ADGB: variants seen among roughly 807,000 people sequenced by gnomAD.
ADGB encodes the protein calpain-7-like protein.
A neutral mutation model predicts 210.5 loss-of-function variants in ADGB; 172 were observed. The ratio of observed to expected loss-of-function variants is 0.82; its 90% CI spans 0.72 to 0.93. The LOEUF (loss-of-function observed/expected upper bound fraction) is 0.93, where lower values mean the gene tolerates loss of function less well. ADGB is among the 40% of genes least tolerant of loss of function. The pLI, the probability that ADGB is intolerant of heterozygous loss-of-function variation, is 0.00. For synonymous variants in ADGB, 658 were observed against 662.7 expected, an observed-to-expected ratio of 0.99 and a Z score of 0.11; for missense variants, 2,025 against 1,964.8, an observed-to-expected ratio of 1.03 and a Z score of -0.58.
intron 6 of ADGB, among the ~76,000 whole-genome samples, chr6:146,665,070 A>G (rs1322202024): frequency 6.6e-6 from 1 of 152,052 alleles, no homozygotes; most frequent in Admixed American, 6.6e-5. Context: ...GCTCACATAC[A>G]TTGCACAGGC....
intron 1 of ADGB, among the ~76,000 whole-genome samples, chr6:146,617,985 T>G (rs1780828900): frequency 6.6e-6 from 1 of 152,220 alleles, no homozygotes; most frequent in African/African-American, 2.4e-5. Context: ...ACATAAAAGC[T>G]TGATTAACAC....
At chr6:146,651,708 G>A (rs767935948) in intron 3 of ADGB, among the ~76,000 whole-genome samples, 1 of 152,014 alleles carries the variant, frequency 6.6e-6, no homozygotes, top group South Asian at 2.1e-4. Flanking sequence ...TCTGCAGCTG[G>A]GTCTCTATGC....
chr6:146,653,942 C>G (rs1420148721), intron 3 of ADGB, among the ~76,000 whole-genome samples, 193 bp from the exon 4 acceptor site: 3 of 152,042 alleles, frequency 2.0e-5, no homozygotes, highest in Admixed American at 1.3e-4. Flanking sequence ...CAATTTATGC[C>G]TAGTGTTCCA....
intron 20 of ADGB, among the ~76,000 whole-genome samples, chr6:146,729,128 G>A (rs1776942011): frequency 6.6e-6 from 1 of 152,112 alleles, no homozygotes; most frequent in Non-Finnish European, 1.5e-5. Flanking sequence ...TACAACGTGT[G>A]CCTCTGCCAG....
At chr6:146,794,792 A>G (rs565953240) in intron 33 of ADGB, among the ~76,000 whole-genome samples, 1 of 152,222 alleles carries the variant, frequency 6.6e-6, no homozygotes, top group Non-Finnish European at 1.5e-5. Context: ...AGTAATTACT[A>G]AAACTGAGAA....
Position 146,736,566 on chromosome 6 carries a change from G to A in ADGB, c.2863G>A (p.Glu955Lys). The A allele has an allele frequency of 1.3e-6, 2 of 1,548,964 alleles. No homozygotes were observed. The highest frequency in any genetic ancestry group is 1.7e-6 in the Non-Finnish European group (2 of 1,145,410). Residue 955 changes from glutamate (E) to lysine (K), a missense_variant, in exon 23 of 36, where the codon GAA (glutamate) becomes AAA (lysine). Coordinates refer to ENST00000397944, the MANE Select transcript of ADGB (RefSeq NM_024694.4). ...TTGGGCTGTATTGGAAATGAATTTA[G>A]AACAGTATGCAGTTTCTCTCTTAAG... ...KVWAVLEMNL[E>K]QYAVSLLRLM...
intron 35 of ADGB, among the ~76,000 whole-genome samples, chr6:146,814,558 G>A (rs183782264): frequency 2.6e-5 from 4 of 152,334 alleles, no homozygotes; most frequent in South Asian, 2.1e-4. Context: ...CTAAAGTGGT[G>A]AGAATGAAAG....
intron 13 of ADGB, 112 bp downstream of exon 13, chr6:146,701,182 G>A: frequency 8.3e-7 from 1 of 1,199,492 alleles, no homozygotes; most frequent in Non-Finnish European, 1.2e-6. Flanking sequence ...GATCTGAACA[G>A]TATAAAGAAT....
At chr6:146,635,581 T>C in intron 2 of ADGB, 44 bp downstream of exon 2, 1 of 1,455,440 alleles carries the variant, frequency 6.9e-7, no homozygotes, top group African/African-American at 1.4e-5. Context: ...TGGTTTTTAA[T>C]TTTATAATGG....
At chr6:146,795,349 A>G (rs1252660616) in intron 33 of ADGB, among the ~76,000 whole-genome samples, 1 of 152,202 alleles carries the variant, frequency 6.6e-6, no homozygotes, top group Non-Finnish European at 1.5e-5. Context: ...TAAAGGAACT[A>G]TCAACAGAGT....
intron 33 of ADGB, among the ~76,000 whole-genome samples, chr6:146,796,269 C>T (rs937670390): frequency 1.4e-4 from 22 of 152,102 alleles, no homozygotes; most frequent in African/African-American, 2.9e-4. Context: ...GACCATACTG[C>T]CAAAAGCAAT....
At chr6:146,663,862 A>T (rs947419913) in intron 5 of ADGB, among the ~76,000 whole-genome samples, 2 of 152,138 alleles carry the variant, frequency 1.3e-5, no homozygotes, top group Non-Finnish European at 2.9e-5. Flanking sequence ...ATTATGTCCA[A>T]GCTTATCCAT....
At chr6:146,600,399 C>A in intron 1 of ADGB, 1 of 231,148 alleles carries the variant, frequency 4.3e-6, no homozygotes, top group Non-Finnish European at 9.2e-6. Context: ...CTTCCACTAG[C>A]CTTCTCTCCA....
At chr6:146,673,774 AT>A (rs1336314239) in intron 8 of ADGB, among the ~76,000 whole-genome samples, 1 of 152,200 alleles carries the variant, frequency 6.6e-6, no homozygotes, top group Non-Finnish European at 1.5e-5. Flanking sequence ...ATATATTGAA[AT>A]TGAGGTGCCT....
chr6:146,793,297 G>A (rs1380852384), intron 33 of ADGB, among the ~76,000 whole-genome samples: 2 of 152,166 alleles, frequency 1.3e-5, no homozygotes, highest in African/African-American at 2.4e-5. Context: ...CAATCCTCTT[G>A]TAAGACAGAA....
chr6:146,713,973 A>G (rs1323495114), intron 13 of ADGB, among the ~76,000 whole-genome samples: 1 of 151,842 alleles, frequency 6.6e-6, no homozygotes, highest in Non-Finnish European at 1.5e-5. Flanking sequence ...CTTGTTCTTT[A>G]TTATTTTTGT....
intron 2 of ADGB, among the ~76,000 whole-genome samples, chr6:146,636,067 A>G (rs1775414307): frequency 6.6e-6 from 1 of 152,082 alleles, no homozygotes; most frequent in African/African-American, 2.4e-5. Context: ...GATTGGTGCC[A>G]AAATGTAGAA....
At chr6:146,747,258 G>A (rs1777253844) in intron 26 of ADGB, among the ~76,000 whole-genome samples, 1 of 152,104 alleles carries the variant, frequency 6.6e-6, no homozygotes, top group Non-Finnish European at 1.5e-5. Flanking sequence ...AGAAAATTTG[G>A]AAAATATGTG....
At chr6:146,708,074 C>A (rs925040748) in intron 13 of ADGB, among the ~76,000 whole-genome samples, 2 of 152,004 alleles carry the variant, frequency 1.3e-5, no homozygotes, top group Non-Finnish European at 2.9e-5. Flanking sequence ...TAACTTTGAT[C>A]GCATACAAAA....
Sources: gnomAD v4.1 joint callset for allele counts (sites outside exome capture counted in the v4.1 genomes callset) on GRCh38, gnomAD v4.1.1 for gene constraint, MANE v1.5 for transcripts, NCBI Gene and HGNC (gene_info 2026-07-23, HGNC 2026-07-21) for gene names.